RASSF3: variants seen among roughly 807,000 people sequenced by gnomAD.
RASSF3 encodes the protein Ras association domain family member 3.
In RASSF3, 19 loss-of-function variants were observed where a neutral mutation model predicts 19.9. The observed-to-expected ratio is 0.96, with a 90% CI of 0.67 to 1.40. The LOEUF (loss-of-function observed/expected upper bound fraction) is 1.40. Ranked by LOEUF, RASSF3 falls within the 40% of genes most tolerant of loss-of-function variation. RASSF3 has a pLI of 0.00. For missense variants in RASSF3, 306 were observed against 289.8 expected, an observed-to-expected ratio of 1.06 and a Z score of -0.41; for synonymous variants, 110 against 104.2, an observed-to-expected ratio of 1.06 and a Z score of -0.34.
intron 2 of RASSF3, among the ~76,000 whole-genome samples, chr12:64,559,490 C>T (rs1490096294): frequency 1.3e-5 from 2 of 151,944 alleles, no homozygotes; most frequent in South Asian, 4.2e-4. Flanking sequence ...AGGATGGTCT[C>T]GATCTCCTGA....
intron 2 of RASSF3, among the ~76,000 whole-genome samples, chr12:64,586,904 CAG>C (rs1869814034): frequency 6.6e-6 from 1 of 151,734 alleles, no homozygotes; most frequent in East Asian, 1.9e-4. Flanking sequence ...GCTTGGGCAA[CAG>C]AGCAAAACTC....
intron 1 of RASSF3, among the ~76,000 whole-genome samples, chr12:64,678,679 C>G (rs1292592983): frequency 9.7e-6 from 1 of 103,446 alleles, no homozygotes; most frequent in Admixed American, 9.5e-5. Flanking sequence ...AACAAAAACC[C>G]AAAAACCTCT....
At chr12:64,668,575 G>A (rs1274851853) in intron 1 of RASSF3, among the ~76,000 whole-genome samples, 1 of 151,512 alleles carries the variant, frequency 6.6e-6, no homozygotes, top group Non-Finnish European at 1.5e-5. Context: ...GTCCAGCCTC[G>A]TTGTTCTTTC....
At chr12:64,525,004 A>G (rs540148011) in intron 1 of RASSF3, among the ~76,000 whole-genome samples, 2 of 152,286 alleles carry the variant, frequency 1.3e-5, no homozygotes, top group South Asian at 4.1e-4. Flanking sequence ...GGCCGGACAC[A>G]GTGGCTCACA....
downstream of RASSF3, among the ~76,000 whole-genome samples, chr12:64,546,095 CAAAAAAAAAAA>C (rs34666595): frequency 6.7e-5 from 4 of 59,544 alleles, no homozygotes; most frequent in African/African-American, 2.0e-4. Flanking sequence ...GACTCCGTCT[CAAAAAAAAAAA>C]AAAAAAAAAA....
intron 2 of RASSF3, among the ~76,000 whole-genome samples, chr12:64,585,928 TAG>T: frequency 6.6e-6 from 1 of 152,284 alleles, no homozygotes; most frequent in East Asian, 1.9e-4. Context: ...ATTGTTATAG[TAG>T]AGAGTCTCTA....
chr12:64,589,822 G>T (rs1388312667), intron 2 of RASSF3, among the ~76,000 whole-genome samples: 3 of 151,710 alleles, frequency 2.0e-5, no homozygotes, highest in African/African-American at 7.3e-5. Context: ...GGCCAACATG[G>T]TGAAACCCCA....
intron 1 of RASSF3, among the ~76,000 whole-genome samples, chr12:64,639,399 T>C (rs1281479377): frequency 6.6e-6 from 1 of 152,178 alleles, no homozygotes; most frequent in East Asian, 1.9e-4. Flanking sequence ...ACCTGTAATT[T>C]GACTTACAGT....
At chr12:64,562,292 C>G (rs1483156409) in intron 2 of RASSF3, among the ~76,000 whole-genome samples, 1 of 152,102 alleles carries the variant, frequency 6.6e-6, no homozygotes, top group African/African-American at 2.4e-5. Flanking sequence ...CCGCCCGCCT[C>G]GGCCTCCCAA....
chr12:64,682,821 G>T (rs761125765), intron 1 of RASSF3, among the ~76,000 whole-genome samples: 1 of 152,204 alleles, frequency 6.6e-6, no homozygotes, highest in Non-Finnish European at 1.5e-5. Flanking sequence ...AGAAAGAGGC[G>T]TGTTTACAAA....
intron 2 of RASSF3, among the ~76,000 whole-genome samples, chr12:64,568,802 C>G (rs1306841858): frequency 6.6e-6 from 1 of 152,018 alleles, no homozygotes; most frequent in Non-Finnish European, 1.5e-5. Flanking sequence ...CTCCGCCTCC[C>G]TGGTTCAAGC....
intron 1 of RASSF3, among the ~76,000 whole-genome samples, chr12:64,616,507 A>G (rs949854304): frequency 2.6e-5 from 4 of 152,196 alleles, no homozygotes; most frequent in African/African-American, 9.6e-5. Flanking sequence ...CTCCAAGCAT[A>G]AGTAGCTGTC....
chr12:64,613,632 C>T (rs1262867702), intron 1 of RASSF3, among the ~76,000 whole-genome samples: 1 of 151,930 alleles, frequency 6.6e-6, no homozygotes, highest in African/African-American at 2.4e-5. Flanking sequence ...AGAACAACAA[C>T]AAAAATGGAA....
intron 1 of RASSF3, among the ~76,000 whole-genome samples, chr12:64,666,637 A>C (rs1355611767): frequency 6.6e-6 from 1 of 152,186 alleles, no homozygotes; most frequent in Non-Finnish European, 1.5e-5. Flanking sequence ...AATACTTTAC[A>C]AAGCAGTTTC....
intron 1 of RASSF3, among the ~76,000 whole-genome samples, chr12:64,670,131 C>T (rs1294547229): frequency 2.6e-5 from 4 of 151,872 alleles, no homozygotes; most frequent in South Asian, 2.1e-4. Context: ...GCAGCTTCCA[C>T]GTGTCATCTC....
At chr12:64,648,273 G>C (rs1230746932) in intron 1 of RASSF3, among the ~76,000 whole-genome samples, 1 of 152,208 alleles carries the variant, frequency 6.6e-6, no homozygotes, top group Admixed American at 6.5e-5. Flanking sequence ...ATTTCCCGCT[G>C]GACGATTAGT....
At position 64,641,339 on chromosome 12, in the gene RASSF3, T is replaced by C. The variant is rs148213874; in HGVS notation, c.111+30596T>C. Reference sequence around the variant, plus strand: ...TGAGCCCAAGAGGTGGAGGTTGCAGTGAGCCGAGACCGTACCACTGCCTTC... The same window carrying C: ...TGAGCCCAAGAGGTGGAGGTTGCAGCGAGCCGAGACCGTACCACTGCCTTC... On this transcript the variant is annotated intron_variant, in intron 1 of 4. Transcript: ENST00000542104. Among the ~76,000 whole-genome samples the C allele has an allele frequency of 7.9e-4, 119 of 151,088 alleles. 2 individuals are homozygous for C. The East Asian group carries it at 0.023, about 29-fold the overall frequency.
intron 1 of RASSF3, among the ~76,000 whole-genome samples, chr12:64,651,645 C>T (rs575031003): frequency 1.3e-5 from 2 of 152,252 alleles, no homozygotes; most frequent in East Asian, 1.9e-4. Flanking sequence ...CAGGCATAAG[C>T]CACCATGCCT....
intron 2 of RASSF3, among the ~76,000 whole-genome samples, chr12:64,566,241 G>C (rs551713894): frequency 4.7e-4 from 71 of 152,320 alleles, no homozygotes; most frequent in African/African-American, 1.6e-3. Context: ...TAGAATAAGA[G>C]AGGAGAGAAG....
Sources: gnomAD v4.1 joint callset for allele counts (sites outside exome capture counted in the v4.1 genomes callset) on GRCh38, gnomAD v4.1.1 for gene constraint, MANE v1.5 for transcripts, NCBI Gene and HGNC (gene_info 2026-07-23, HGNC 2026-07-21) for gene names.